Variants in F10 observed in about 807,000 individuals in gnomAD.
The protein encoded by F10 is coagulation factor X.
Under a neutral mutation model 37.1 loss-of-function variants are expected in F10, and 29 were observed. The observed-to-expected ratio is 0.78, with a 90% CI of 0.58 to 1.07. F10 has a LOEUF of 1.07. Among genes scored for constraint, F10 ranks in the 50% least tolerant of loss-of-function variants. The probability of loss-of-function intolerance (pLI) is 0.00; values close to 1 mark genes in which losing one functional copy is unlikely to be tolerated. For synonymous variants in F10, 262 were observed against 268.6 expected (o/e 0.98, Z 0.24); for missense variants, 539 against 667.9 (o/e 0.81, Z 2.13).
chr13:113,127,801 A>G (rs2036384549), intron 1 of F10, among the ~76,000 whole-genome samples: 1 of 152,216 alleles, frequency 6.6e-6, no homozygotes, highest in African/African-American at 2.4e-5. Context: ...TTGAAACAGC[A>G]TCACCAATCC....
In F10 at chr13:113,143,700, CGTGGGG is replaced by C; in HGVS notation, c.503-150_503-145del. The stretch of plus-strand genomic sequence containing the variant: ...CTGCAGATCCGACCCCTGCCGACGA[CGTGGGG>C]CCTCGCCCTGCAAGCCCGCTGCCCC... On this transcript the variant is annotated intron_variant, in intron 5 of 7. Coordinates refer to ENST00000375559, the MANE Select transcript of F10 (RefSeq NM_000504.4). This position sits in a 1 kb window ranked among gnomAD's most constrained non-coding sequence, Gnocchi z 6.8. 5.4e-5 allele frequency: 62 copies of C among 1,143,738 alleles called. No individual in the cohort carries two copies. Among genetic ancestry groups the C allele is most frequent in the Admixed American group, 3.0e-4 (12 of 40,546 alleles). The allele number at this position is 1,143,738 out of a possible 1,614,324, so 70.8% of individuals were successfully genotyped here.
intron 1 of F10, among the ~76,000 whole-genome samples, chr13:113,123,475 C>T (rs529492042): frequency 2.6e-5 from 4 of 152,290 alleles, no homozygotes; most frequent in Admixed American, 6.5e-5. Flanking sequence ...CCAGGACCCC[C>T]GGGTCTGTCC....
At position 113,139,353 on chromosome 13, in the gene F10, G is replaced by A. The variant is rs1473225273; in HGVS notation, c.257-4G>A. 4 of 1,613,432 alleles carry A rather than the reference G, an allele frequency of 2.5e-6. No individual in the cohort carries two copies. In the South Asian group the frequency reaches 4.4e-5, roughly 18 times the overall value. On this transcript the variant is annotated splice_polypyrimidine_tract_variant and splice_region_variant and intron_variant, in intron 3 of 7. Coordinates refer to ENST00000375559, the MANE Select transcript of F10 (RefSeq NM_000504.4). The surrounding 1 kb of genome is among the most constrained non-coding windows in gnomAD (Gnocchi z 5.2). ...ACTCCAGTTTCGAAATCCTCTCTTTGCAGATGGCGACCAGTGTGAGACCAG... is the reference window on the plus strand; with the variant it reads ...ACTCCAGTTTCGAAATCCTCTCTTTACAGATGGCGACCAGTGTGAGACCAG...
chr13:113,139,537 A>G lies in F10; in HGVS notation c.370+67A>G, dbSNP rs2036508692. Reference sequence around the variant, plus strand: ...TGAAGAGTGGCAGGTGGGCGGGGGAAGAAGTGAAAACGCCTAATGAAACAA... The same window carrying G: ...TGAAGAGTGGCAGGTGGGCGGGGGAGGAAGTGAAAACGCCTAATGAAACAA... On this transcript the variant is annotated intron_variant, in intron 4 of 7. Transcript: ENST00000375559. This position sits in a 1 kb window ranked among gnomAD's most constrained non-coding sequence, Gnocchi z 5.2. The G allele has an allele frequency of 6.4e-6, 8 of 1,240,490 alleles. No individual in the cohort carries two copies. The South Asian group carries it at 9.7e-5, about 15-fold the overall frequency. 76.8% of individuals were successfully genotyped at this position (1,240,490 alleles called of 1,614,324 possible).
In F10 at chr13:113,139,234, A is replaced by T; in HGVS notation, c.257-123A>T. ...AAAGTCCAAAGAGGGGGAGTTGTTT[A>T]CAGAGAAACCGGAAGACTCTTCCAG... On this transcript the variant is annotated intron_variant, in intron 3 of 7. Coordinates refer to ENST00000375559, the MANE Select transcript of F10 (RefSeq NM_000504.4). This position sits in a 1 kb window ranked among gnomAD's most constrained non-coding sequence, Gnocchi z 5.2. The T allele has an allele frequency of 1.3e-6, 1 of 756,226 alleles. No homozygotes were observed. Among genetic ancestry groups the T allele is most frequent in the Non-Finnish European group, 2.3e-6 (1 of 438,128 alleles). 46.8% of individuals were successfully genotyped at this position (756,226 alleles called of 1,614,324 possible). A position where few individuals can be genotyped will look rare whatever the true frequency, so the allele number is the denominator to read the frequency against.
rs533112477 is a variant in F10, at chr13:113,139,276, G to C, written c.257-81G>C. 21 of 1,144,588 alleles carry C rather than the reference G, an allele frequency of 1.8e-5. No homozygotes were observed. In the African/African-American group the frequency reaches 2.9e-4, roughly 16 times the overall value. The allele number at this position is 1,144,588 out of a possible 1,614,324, so 70.9% of individuals were successfully genotyped here. ...CTCTTCCAGTTATCTGAACGGCAGG[G>C]CCAAGGTTAGCACAGCAAAACTGTT... On this transcript the variant is annotated intron_variant, in intron 3 of 7. Transcript: ENST00000375559. This position sits in a 1 kb window ranked among gnomAD's most constrained non-coding sequence, Gnocchi z 5.2.
chr13:113,131,755 C>T (rs1443235413), intron 2 of F10: 1 of 152,242 alleles, frequency 6.6e-6, no homozygotes, highest in Non-Finnish European at 1.5e-5. Flanking sequence ...GCACTTTGAG[C>T]TATTTGTCAT....
In F10 at chr13:113,140,989, G is replaced by T. The variant is rs1259193341; in HGVS notation, c.441G>T (p.Val147=). ...DQFCHEEQNS[V]VCSCARGYTL... is the part of the protein sequence containing the mutation. ...TCTGCCACGAGGAACAGAACTCTGT[G>T]GTGTGCTCCTGCGCCCGCGGGTACA... The change falls in exon 5 of 8, where the codon GTG becomes GTT. Residue 147 remains valine (V), a synonymous_variant. Transcript: ENST00000375559. 1 of 1,614,018 alleles carries T rather than the reference G, an allele frequency of 6.2e-7. No homozygotes were observed. Among genetic ancestry groups the T allele is most frequent in the Non-Finnish European group, 8.5e-7 (1 of 1,180,052 alleles).
At position 113,148,330 on chromosome 13, in the gene F10, CAAAA is replaced by C. The variant is rs780002275; in HGVS notation, c.866-573_866-570del. On this transcript the variant is annotated intron_variant, in intron 7 of 7. Transcript: ENST00000375559. Reference sequence around the variant, plus strand: ...CGGGCAACAGAGCAAAACTCTGTCTCAAAAAAAAAAAAAAAATATATATATATAT... The same window carrying C: ...CGGGCAACAGAGCAAAACTCTGTCTCAAAAAAAAAAAATATATATATATAT... Among the ~76,000 whole-genome samples, 232 of 90,850 alleles carry C rather than the reference CAAAA, an allele frequency of 2.6e-3. 2 individuals are homozygous for C. Among genetic ancestry groups the C allele is most frequent in the African/African-American group, 8.9e-3 (220 of 24,858 alleles). 59.6% of individuals were successfully genotyped at this position (90,850 alleles called of 152,430 possible). A position where few individuals can be genotyped will look rare whatever the true frequency, so the allele number is the denominator to read the frequency against.
At chr13:113,137,017 T>C (rs1298163084) in intron 2 of F10, among the ~76,000 whole-genome samples, 1 of 151,770 alleles carries the variant, frequency 6.6e-6, no homozygotes, top group Non-Finnish European at 1.5e-5. Context: ...ACTCCTGACC[T>C]CAAGTGATCC....
At position 113,140,948 on chromosome 13, in the gene F10, G is replaced by A. The variant is rs368225671; in HGVS notation, c.400G>A (p.Gly134Arg). The A allele has an allele frequency of 2.2e-5, 36 of 1,614,006 alleles. No homozygotes were observed. The highest frequency in any genetic ancestry group is 4.0e-5 in the African/African-American group (3 of 74,946). The change falls in exon 5 of 8, where the codon GGG (glycine) becomes AGG (arginine). Residue 134 changes from glycine to arginine, a missense_variant. Gly to Arg is a moderately radical substitution (Grantham distance 125). This residue lies in a region of F10 where 409 missense variants were observed against 547.9 expected (regional missense o/e 0.75). Coordinates refer to ENST00000375559, the MANE Select transcript of F10 (RefSeq NM_000504.4). ...FTRKLCSLDN[G>R]DCDQFCHEEQ... ...ACGGAAGCTCTGCAGCCTGGACAAC[G>A]GGGACTGTGACCAGTTCTGCCACGA...
Position 113,129,444 on chromosome 13 carries a change from C to A in F10, c.71-8C>A. On this transcript the variant is annotated splice_polypyrimidine_tract_variant and splice_region_variant and intron_variant, in intron 1 of 7. Transcript: ENST00000375559. ...AGAGCTTTTAACCCTGTCCTCCCTG[C>A]CTTCCAGTGTTCATCCGCAGGGAGC... The A allele has an allele frequency of 6.2e-7, 1 of 1,613,334 alleles. No individual in the cohort carries two copies. The highest frequency in any genetic ancestry group is 8.5e-7 in the Non-Finnish European group (1 of 1,179,962).
intron 2 of F10, chr13:113,132,008 G>A (rs76661197): frequency 1.3e-5 from 2 of 152,268 alleles, no homozygotes; most frequent in Non-Finnish European, 2.9e-5. Flanking sequence ...AGAGAATGTA[G>A]CAGCCACTAA....
In F10 at chr13:113,133,644, C is replaced by T. The variant is rs980119775; in HGVS notation, c.231+4032C>T. On this transcript the variant is annotated intron_variant, in intron 2 of 7. Coordinates refer to ENST00000375559, the MANE Select transcript of F10 (RefSeq NM_000504.4). ...CCAATTCTATACAACTCTTCCAGAA[C>T]ATAGAAGAGGGAACACTTCTTAGTT... Among the ~76,000 whole-genome samples the T allele has an allele frequency of 5.3e-5, 8 of 152,158 alleles. No homozygotes were observed. The East Asian group carries it at 1.3e-3, about 26-fold the overall frequency.
chr13:113,146,785 G>C lies in F10; in HGVS notation c.748-594G>C, dbSNP rs2036586368. ...GAAAAGAAAACCAAAATATGCCCGG[G>C]CTCCAAACTTGCAAGTCCAGCTCCC... On this transcript the variant is annotated intron_variant, in intron 6 of 7. Coordinates refer to ENST00000375559, the MANE Select transcript of F10 (RefSeq NM_000504.4). The surrounding 1 kb of genome is among the most constrained non-coding windows in gnomAD (Gnocchi z 4.5). 6.6e-6 allele frequency among the ~76,000 whole-genome samples: 1 copy of C among 152,154 alleles called. No individual in the cohort carries two copies. The highest frequency in any genetic ancestry group is 2.1e-4 in the South Asian group (1 of 4,816).
At chr13:113,127,002 A>T (rs2036376958) in intron 1 of F10, among the ~76,000 whole-genome samples, 1 of 152,226 alleles carries the variant, frequency 6.6e-6, no homozygotes, top group African/African-American at 2.4e-5. Flanking sequence ...AGGGTCAAGA[A>T]ATAATAAATC....
chr13:113,124,144 G>C (rs568387884), intron 1 of F10, among the ~76,000 whole-genome samples: 14 of 150,916 alleles, frequency 9.3e-5, no homozygotes, highest in African/African-American at 3.2e-4. Flanking sequence ...AGCCCGGCCC[G>C]GGGCTCCCGA....
intron 2 of F10, among the ~76,000 whole-genome samples, chr13:113,132,425 T>C (rs559421536): frequency 5.3e-4 from 80 of 152,378 alleles, no homozygotes; most frequent in Non-Finnish European, 6.3e-4. Context: ...ATATAAGTTA[T>C]TTCTAAATAT....
intron 2 of F10, among the ~76,000 whole-genome samples, chr13:113,136,379 T>G (rs1595091830): frequency 1.3e-5 from 2 of 152,294 alleles, no homozygotes; most frequent in East Asian, 3.9e-4. Context: ...TTCTGGGCAT[T>G]TACCCTAGAG....
Sources: gnomAD v4.1 joint callset for allele counts (sites outside exome capture counted in the v4.1 genomes callset) on GRCh38, gnomAD v4.1.1 for gene constraint, gnomAD v4.1.1 regional missense constraint, Gnocchi (gnomAD v3.1) non-coding constraint, MANE v1.5 for transcripts, NCBI Gene and HGNC (gene_info 2026-07-23, HGNC 2026-07-21) for gene names.